SYN3: variants seen among roughly 807,000 people sequenced by gnomAD.
The protein encoded by SYN3 is synapsin-3.
Under a neutral mutation model 65.8 loss-of-function variants are expected in SYN3, and 35 were observed. The ratio of observed to expected loss-of-function variants is 0.53; its 90% CI spans 0.41 to 0.70. The LOEUF (loss-of-function observed/expected upper bound fraction) is 0.70. Ranked by LOEUF, SYN3 falls within the 30% of genes least tolerant of loss-of-function variation. The probability of loss-of-function intolerance (pLI) is 0.00; values close to 1 mark genes in which losing one functional copy is unlikely to be tolerated. For missense variants in SYN3, 680 were observed against 749.0 expected (o/e 0.91, Z 1.08); for synonymous variants, 270 against 292.9 (o/e 0.92, Z 0.80).
chr22:32,788,975 C>G (rs970289515), intron 6 of SYN3, among the ~76,000 whole-genome samples: 1 of 152,164 alleles, frequency 6.6e-6, no homozygotes, highest in Admixed American at 6.5e-5. Flanking sequence ...GCTGCCCCCC[C>G]ACCCCCAACA....
chr22:32,935,871 A>C (rs2050762100), intron 3 of SYN3, among the ~76,000 whole-genome samples: 1 of 152,238 alleles, frequency 6.6e-6, no homozygotes, highest in African/African-American at 2.4e-5. Context: ...TAGTGAAGTT[A>C]CTGATTTGAA....
At chr22:32,911,689 G>A (rs554000695) in intron 4 of SYN3, among the ~76,000 whole-genome samples, 12 of 152,160 alleles carry the variant, frequency 7.9e-5, no homozygotes, top group South Asian at 2.1e-4. Flanking sequence ...GAAACTGAAC[G>A]GGAGCCAAAC....
chr22:32,875,438 C>T (rs1269255425), intron 4 of SYN3, among the ~76,000 whole-genome samples: 2 of 152,212 alleles, frequency 1.3e-5, no homozygotes, highest in East Asian at 3.8e-4. Flanking sequence ...TCCTCTTCCT[C>T]CTGGTCACCC....
chr22:32,923,178 C>A (rs2050379673), intron 4 of SYN3, among the ~76,000 whole-genome samples: 1 of 152,146 alleles, frequency 6.6e-6, no homozygotes, highest in Admixed American at 6.5e-5. Context: ...AATTGGGTGG[C>A]TGCTGGCATC....
chr22:32,797,678 C>T (rs866507950), intron 6 of SYN3, among the ~76,000 whole-genome samples: 2 of 152,188 alleles, frequency 1.3e-5, no homozygotes, highest in Non-Finnish European at 2.9e-5. Context: ...ATTCTGTTTT[C>T]GGCATTGATT....
intron 3 of SYN3, among the ~76,000 whole-genome samples, chr22:32,976,879 T>C: frequency 6.6e-6 from 1 of 152,096 alleles, no homozygotes; most frequent in East Asian, 1.9e-4. Flanking sequence ...AATTATCTGG[T>C]TAATTTGGCC....
chr22:32,935,915 G>C lies in SYN3; in HGVS notation c.370-4434C>G, dbSNP rs5998660. On this transcript the variant is annotated intron_variant, in intron 3 of 13. Transcript: ENST00000358763. ...TTGATATCTTTAAAACAGAGGTAAT[G>C]ATATCAATAATATCTATCTTTAAAT... Among the ~76,000 whole-genome samples the C allele has an allele frequency of 9.8e-3, 1,495 of 152,310 alleles. 22 individuals are homozygous for C. Among genetic ancestry groups the C allele is most frequent in the African/African-American group, 0.034 (1,428 of 41,562 alleles).
At chr22:32,701,968 T>G (rs572819499) in intron 6 of SYN3, among the ~76,000 whole-genome samples, 2 of 152,334 alleles carry the variant, frequency 1.3e-5, no homozygotes, top group Admixed American at 1.3e-4. Flanking sequence ...GAACTTATTT[T>G]TGTGTGTGTG....
chr22:33,030,726 TAC>T (rs1489929273), intron 1 of SYN3, among the ~76,000 whole-genome samples: 1 of 146,910 alleles, frequency 6.8e-6, no homozygotes, highest in Non-Finnish European at 1.5e-5. Flanking sequence ...GAGAAACAGA[TAC>T]ACAGAGACTG....
chr22:32,964,292 AG>A (rs2051754096), intron 3 of SYN3, among the ~76,000 whole-genome samples: 1 of 64,004 alleles, frequency 1.6e-5, no homozygotes, highest in South Asian at 6.1e-4. Context: ...GGGTGGGGGG[AG>A]GGGGGAGGGA....
chr22:32,715,309 A>G (rs1196644354), intron 6 of SYN3, among the ~76,000 whole-genome samples: 1 of 152,214 alleles, frequency 6.6e-6, no homozygotes, highest in African/African-American at 2.4e-5. Context: ...CCTGTAATAA[A>G]TACAGCTGTT....
intron 4 of SYN3, among the ~76,000 whole-genome samples, chr22:32,896,354 G>A (rs2049593366): frequency 6.6e-6 from 1 of 152,192 alleles, no homozygotes; most frequent in Non-Finnish European, 1.5e-5. Context: ...TACTCGGGAG[G>A]CTGAGGCAGG....
chr22:32,885,472 T>C (rs2049261745), intron 4 of SYN3, among the ~76,000 whole-genome samples: 1 of 152,182 alleles, frequency 6.6e-6, no homozygotes, highest in African/African-American at 2.4e-5. Context: ...GTCTCTTTCT[T>C]GTGTCGCTTT....
chr22:32,619,194 C>T lies in SYN3; in HGVS notation c.712-22458G>A, dbSNP rs116387553. On this transcript the variant is annotated intron_variant, in intron 6 of 13. Transcript: ENST00000358763. ...AGCATGCTTAGGTGATTCATGAACACGTTGAGGTCCGACAGCACTGGCCTA... is the reference window on the plus strand; with the variant it reads ...AGCATGCTTAGGTGATTCATGAACATGTTGAGGTCCGACAGCACTGGCCTA... Among the ~76,000 whole-genome samples, 703 of 152,272 alleles carry T rather than the reference C, an allele frequency of 4.6e-3. 4 individuals are homozygous for T. Among genetic ancestry groups the T allele is most frequent in the African/African-American group, 0.015 (635 of 41,550 alleles).
intron 12 of SYN3, among the ~76,000 whole-genome samples, chr22:32,523,428 G>A (rs927096991): frequency 2.6e-5 from 4 of 152,162 alleles, no homozygotes; most frequent in East Asian, 1.9e-4. Context: ...CAGGAGAATC[G>A]CTTGAGCCCA....
At chr22:32,628,799 G>A (rs921505663) in intron 6 of SYN3, among the ~76,000 whole-genome samples, 5 of 151,984 alleles carry the variant, frequency 3.3e-5, no homozygotes, top group African/African-American at 7.3e-5. Flanking sequence ...GGAAGATGCC[G>A]GGCTGTTCCC....
chr22:32,514,287 TC>T (rs1295557618), intron 13 of SYN3, among the ~76,000 whole-genome samples: 1 of 152,224 alleles, frequency 6.6e-6, no homozygotes, highest in Non-Finnish European at 1.5e-5. Context: ...TAGAACCTTC[TC>T]TGCTCTTTGA....
chr22:32,814,227 GAAA>G (rs1246463192), intron 6 of SYN3, among the ~76,000 whole-genome samples: 1 of 122,990 alleles, frequency 8.1e-6, no homozygotes, highest in Non-Finnish European at 1.7e-5. Context: ...AGGAAAGAAA[GAAA>G]AAAAAAGAAA....
intron 6 of SYN3, among the ~76,000 whole-genome samples, chr22:32,759,037 A>G (rs531348148): frequency 6.6e-6 from 1 of 152,136 alleles, no homozygotes; most frequent in South Asian, 2.1e-4. Context: ...CATCATTAAG[A>G]TTTACTCATA....
Sources: allele counts gnomAD v4.1 joint callset (sites outside exome capture counted in the v4.1 genomes callset), GRCh38; gene constraint gnomAD v4.1.1; transcripts MANE v1.5; gene names NCBI Gene and HGNC (gene_info 2026-07-23, HGNC 2026-07-21).